Variants in MEF2C observed in about 807,000 individuals in gnomAD.
MEF2C encodes myocyte enhancer factor 2C.
A neutral mutation model predicts 50.5 loss-of-function variants in MEF2C; 6 were observed. That is an observed-to-expected ratio of 0.12 (90% CI 0.07 to 0.23). MEF2C has a LOEUF of 0.23. Among genes scored for constraint, MEF2C ranks in the 10% least tolerant of loss-of-function variants. The pLI is 1.00. For synonymous variants in MEF2C, 183 were observed against 228.0 expected (o/e 0.80, Z 1.78); for missense variants, 276 against 605.0 (o/e 0.46, Z 5.70).
chr5:88,843,354 A>C (rs1034791174), intron 1 of MEF2C: 97 of 967,494 alleles, frequency 1.0e-4, no homozygotes, highest in South Asian at 5.8e-4. Flanking sequence ...GGTTCCCCCC[A>C]AAAAAAACCC....
intron 6 of MEF2C, chr5:88,734,914 A>G: frequency 1.0e-6 from 1 of 983,786 alleles, no homozygotes; most frequent in Non-Finnish European, 1.2e-6. Flanking sequence ...TTAGAGCATC[A>G]AGTTATTTTT....
intron 1 of MEF2C, among the ~76,000 whole-genome samples, chr5:88,857,188 T>C (rs1011538042): frequency 7.9e-5 from 12 of 152,190 alleles, no homozygotes; most frequent in African/African-American, 2.7e-4. Flanking sequence ...ATTTAAAGCT[T>C]AATGACTGTC....
intron 3 of MEF2C, among the ~76,000 whole-genome samples, chr5:88,787,228 A>C (rs1791377626): frequency 6.6e-6 from 1 of 152,258 alleles, no homozygotes; most frequent in African/African-American, 2.4e-5. Context: ...ATATTTACTT[A>C]TAAATAATAC....
At chr5:88,859,779 T>C (rs1255974858) in intron 1 of MEF2C, among the ~76,000 whole-genome samples, 2 of 152,250 alleles carry the variant, frequency 1.3e-5, no homozygotes, top group Admixed American at 6.5e-5. Flanking sequence ...TGCTCATTTA[T>C]GAACAAGTCA....
chr5:88,843,728 GA>G (rs1006226936), intron 1 of MEF2C, among the ~76,000 whole-genome samples: 2 of 149,622 alleles, frequency 1.3e-5, no homozygotes, highest in Admixed American at 1.3e-4. Context: ...AAACACAGAA[GA>G]AAAAAATCTG....
intron 1 of MEF2C, among the ~76,000 whole-genome samples, chr5:88,869,296 C>CGT (rs1828665479): frequency 1.9e-5 from 2 of 104,870 alleles, no homozygotes; most frequent in Non-Finnish European, 3.8e-5. Context: ...TATATATATA[C>CGT]ACATATATAT....
intron 1 of MEF2C, among the ~76,000 whole-genome samples, chr5:88,897,247 A>G (rs1172033290): frequency 1.3e-5 from 2 of 152,206 alleles, no homozygotes; most frequent in Non-Finnish European, 1.5e-5. Flanking sequence ...TGTGTTGGTT[A>G]TATAGTATTT....
intron 3 of MEF2C, chr5:88,785,277 CAT>C (rs1486068087): frequency 3.6e-5 from 3 of 84,178 alleles, no homozygotes; most frequent in African/African-American, 1.1e-4. Flanking sequence ...GCAAAACTGG[CAT>C]ACACACACAC....
intron 3 of MEF2C, among the ~76,000 whole-genome samples, chr5:88,794,583 C>T (rs1156831231): frequency 3.9e-5 from 6 of 152,134 alleles, no homozygotes; most frequent in Non-Finnish European, 7.4e-5. Context: ...TTCTTCCATT[C>T]TTTGGGTTGC....
chr5:88,732,674 T>C (rs187656285), intron 6 of MEF2C: 1 of 152,332 alleles, frequency 6.6e-6, no homozygotes, highest in African/African-American at 2.4e-5. Flanking sequence ...GAAAAGTGGG[T>C]ATCCCAAGGT....
chr5:88,885,436 C>G (rs896162920), upstream of MEF2C, among the ~76,000 whole-genome samples: 1 of 152,188 alleles, frequency 6.6e-6, no homozygotes, highest in Non-Finnish European at 1.5e-5. Flanking sequence ...GAATGCATCA[C>G]AAACTGTCAC....
chr5:88,721,489 A>G lies in MEF2C; in HGVS notation c.*1115T>C, dbSNP rs1217252622. On this transcript the variant is annotated 3_prime_UTR_variant, in exon 11 of 11. Coordinates refer to ENST00000504921, the MANE Select transcript of MEF2C (RefSeq NM_002397.5). The stretch of plus-strand genomic sequence containing the variant: ...ACTTATAAAATGTAAGCAGAGTAAA[A>G]GAAAACAGAAAGAAAATAGTTACTC... 1 of 152,628 alleles carries G rather than the reference A, an allele frequency of 6.6e-6. No homozygotes were observed. Among genetic ancestry groups the G allele is most frequent in the East Asian group, 1.9e-4 (1 of 5,200 alleles). The allele number at this position is 152,628 out of a possible 1,614,324, so 9.5% of individuals were successfully genotyped here. A position where few individuals can be genotyped will look rare whatever the true frequency, so the allele number is the denominator to read the frequency against.
At chr5:88,735,875 C>T (rs1027124203) in intron 6 of MEF2C, 2 of 985,268 alleles carry the variant, frequency 2.0e-6, no homozygotes, top group African/African-American at 1.7e-5. Context: ...GCTCAAAGTT[C>T]TGAAACTTTC....
intron 1 of MEF2C, among the ~76,000 whole-genome samples, chr5:88,900,416 A>C (rs1387817752): frequency 6.6e-6 from 1 of 151,716 alleles, no homozygotes; most frequent in East Asian, 1.9e-4. Context: ...CTTAAAAAAA[A>C]CCCTATATTC....
intron 3 of MEF2C, among the ~76,000 whole-genome samples, chr5:88,777,294 A>G (rs548309842): frequency 4.6e-5 from 7 of 152,276 alleles, no homozygotes; most frequent in African/African-American, 1.4e-4. Flanking sequence ...TTCCTCAGCA[A>G]TAACACCTAC....
At chr5:88,762,765 C>T (rs1035769294) in intron 3 of MEF2C, among the ~76,000 whole-genome samples, 15 of 151,912 alleles carry the variant, frequency 9.9e-5, no homozygotes, top group Non-Finnish European at 1.8e-4. Context: ...GAGATGCATA[C>T]CTAAGTGTCT....
At chr5:88,745,483 A>T (rs1024219392) in intron 6 of MEF2C, among the ~76,000 whole-genome samples, 1 of 152,232 alleles carries the variant, frequency 6.6e-6, no homozygotes, top group Non-Finnish European at 1.5e-5. Context: ...CGGCCGTGAC[A>T]TTGCCAAGTG....
chr5:88,875,203 T>C (rs1830686549), intron 1 of MEF2C, among the ~76,000 whole-genome samples: 1 of 152,014 alleles, frequency 6.6e-6, no homozygotes, highest in Non-Finnish European at 1.5e-5. Context: ...TTATTTTGCA[T>C]GGTATTATAC....
chr5:88,780,635 T>C, intron 3 of MEF2C: 1 of 446,672 alleles, frequency 2.2e-6, no homozygotes, highest in South Asian at 9.3e-5. Context: ...AGGGCAAAGA[T>C]ACTTAAGTTT....
Sources: gnomAD v4.1 joint callset for allele counts (sites outside exome capture counted in the v4.1 genomes callset) on GRCh38, gnomAD v4.1.1 for gene constraint, MANE v1.5 for transcripts, NCBI Gene and HGNC (gene_info 2026-07-23, HGNC 2026-07-21) for gene names.